Variants in DST observed in about 807,000 individuals in gnomAD.
DST encodes bullous pemphigoid antigen.
Under a neutral mutation model 875.2 loss-of-function variants are expected in DST, and 253 were observed. The ratio of observed to expected loss-of-function variants is 0.29; its 90% confidence interval spans 0.26 to 0.32. The LOEUF is 0.32. Among genes scored for constraint, DST ranks in the 10% least tolerant of loss-of-function variants. The pLI, the probability that DST is intolerant of heterozygous loss-of-function variation, is 1.00. For synonymous variants in DST, 3,124 were observed against 3,197.1 expected, an observed-to-expected ratio of 0.98 and a Z score of 0.77; for missense variants, 8,287 against 9,111.6, an observed-to-expected ratio of 0.91 and a Z score of 3.68.
Position 56,552,845 on chromosome 6 carries a change from T to G in DST, c.15947A>C (p.Gln5316Pro), listed in dbSNP as rs749397411. Residue 5316 changes from glutamine to proline, a missense_variant, in exon 61 of 104, where the codon CAA becomes CCA. Coordinates refer to ENST00000680361, the MANE Select transcript of DST (RefSeq NM_001374736.1). Reference sequence around the variant, plus strand: ...GGCCTGAAGTGATTTCTGCTGAGTTTGCAACATGGTCAGGTATTTGTTACT... The same window carrying G: ...GGCCTGAAGTGATTTCTGCTGAGTTGGCAACATGGTCAGGTATTTGTTACT... ...AYSNKYLTML[Q>P]TQQKSLQALK... 19 of 1,613,480 alleles carry G rather than the reference T, an allele frequency of 1.2e-5. No homozygotes were observed. Among genetic ancestry groups the G allele is most frequent in the Non-Finnish European group, 3.4e-6 (4 of 1,179,912 alleles).
At chr6:56,952,040 T>C (rs559622347) in intron 2 of DST, among the ~76,000 whole-genome samples, 1 of 152,102 alleles carries the variant, frequency 6.6e-6, no homozygotes, top group South Asian at 2.1e-4. Flanking sequence ...CTGAGCCAAA[T>C]AGTGGGGATA....
rs1003057590 is a variant in DST at position 56,477,233 on chromosome 6, G to A, written c.21675+112C>T. The A allele has an allele frequency of 4.3e-6, 5 of 1,170,086 alleles. No homozygotes were observed. The Admixed American group carries it at 8.5e-5, about 20-fold the overall frequency. 72.5% of individuals were successfully genotyped at this position (1,170,086 alleles called of 1,614,324 possible). A position where few individuals can be genotyped will look rare whatever the true frequency, so the allele number is the denominator to read the frequency against. On this transcript the variant is annotated intron_variant, in intron 91 of 103. Transcript: ENST00000680361. Reference sequence around the variant, plus strand: ...GCGTATTTAAAAGAACGTTTTCTATGTAGAGGTCTCATTTTCCCATGGCCA... The same window carrying A: ...GCGTATTTAAAAGAACGTTTTCTATATAGAGGTCTCATTTTCCCATGGCCA...
chr6:56,531,623 GTCAGTGATTCTTCTA>G (rs2096896938), intron 64 of DST, among the ~76,000 whole-genome samples: 1 of 152,082 alleles, frequency 6.6e-6, no homozygotes, highest in Non-Finnish European at 1.5e-5. Flanking sequence ...ACTCACTCAG[GTCAGTGATTCTTCTA>G]TTTTCATCTA....
At position 56,614,407 on chromosome 6, in the gene DST, C is replaced by A. The variant is rs752913542; in HGVS notation, c.5007G>T (p.Lys1669Asn). The change falls in exon 37 of 104, where the codon AAG becomes AAT. Residue 1669 changes from lysine (K) to asparagine (N), a missense_variant. By Grantham distance (94) the Lys-to-Asn change is moderately conservative (BLOSUM62 0). This residue lies in a region of DST where 3,138 missense variants were observed against 3,116.6 expected (regional missense o/e 1.01). Transcript: ENST00000680361. Reference protein sequence around the residue: ...ELQKWVSNISKTLKDAEKAGK... With the variant: ...ELQKWVSNISNTLKDAEKAGK... ...CAGCCTTCTCTGCATCTTTCAATGT[C>A]TTGCTGATATTTGATACCCATTTTT... The A allele has an allele frequency of 1.9e-6, 3 of 1,610,392 alleles. No individual in the cohort carries two copies. Among genetic ancestry groups the A allele is most frequent in the Non-Finnish European group, 1.7e-6 (2 of 1,178,320 alleles).
At chr6:56,585,067 T>C (rs1237609825) in intron 49 of DST, among the ~76,000 whole-genome samples, 6 of 151,192 alleles carry the variant, frequency 4.0e-5, no homozygotes, top group Non-Finnish European at 7.4e-5. Flanking sequence ...TTTTTGGTTG[T>C]GTCTCTGCCC....
In DST at chr6:56,490,778, T is replaced by C. The variant is rs1200399843; in HGVS notation, c.20758-1169A>G. 4.6e-5 allele frequency among the ~76,000 whole-genome samples: 7 copies of C among 152,114 alleles called. 1 individual carries two copies. Among genetic ancestry groups the C allele is most frequent in the Non-Finnish European group, 7.4e-5 (5 of 67,988 alleles). On this transcript the variant is annotated intron_variant, in intron 85 of 103. Transcript: ENST00000680361. Reference sequence around the variant, plus strand: ...AATAATACAGGCTATAACAGTTGGATGGTAAGGTCAATGATACAAACGCAC... The same window carrying C: ...AATAATACAGGCTATAACAGTTGGACGGTAAGGTCAATGATACAAACGCAC...
chr6:56,852,447 C>T (rs368922064), intron 3 of DST, among the ~76,000 whole-genome samples: 5 of 152,206 alleles, frequency 3.3e-5, no homozygotes, highest in African/African-American at 1.2e-4. Context: ...AAACAGGATG[C>T]TTTTGCCAAA....
intron 39 of DST, among the ~76,000 whole-genome samples, chr6:56,609,602 T>C (rs2098527380): frequency 6.6e-6 from 1 of 152,142 alleles, no homozygotes; most frequent in Non-Finnish European, 1.5e-5. Flanking sequence ...TGATATCGTG[T>C]ATATTGACAA....
intron 4 of DST, among the ~76,000 whole-genome samples, chr6:56,781,781 G>A (rs1340954943): frequency 1.3e-5 from 2 of 152,084 alleles, no homozygotes; most frequent in East Asian, 3.8e-4. Flanking sequence ...TGGTGAGAGA[G>A]GGCATCCCTG....
chr6:56,555,606 G>A lies in DST; in HGVS notation c.14875C>T (p.Leu4959Phe). 6.2e-7 allele frequency: 1 copy of A among 1,614,026 alleles called. No individual in the cohort carries two copies. The highest frequency in any genetic ancestry group is 8.5e-7 in the Non-Finnish European group (1 of 1,179,896). Residue 4959 changes from leucine to phenylalanine, a missense_variant, in exon 60 of 104, where the codon CTT becomes TTT. By Grantham distance (22) the Leu-to-Phe change is conservative. This residue lies in a region of DST where 1,513 missense variants were observed against 1,677.8 expected (regional missense o/e 0.90). Transcript: ENST00000680361. ...STQYQSLLRS[L>F]SDKLSDLDNK... ...TCCAAGTCACTCAGTTTATCAGAAA[G>A]GCTTCTCAGCAGGCTTTGATACTGT...
chr6:56,463,853 A>T lies in DST; in HGVS notation c.22760-89T>A. 2.3e-6 allele frequency: 3 copies of T among 1,281,674 alleles called. No homozygotes were observed. The Admixed American group carries it at 5.0e-5, about 21-fold the overall frequency. The allele number at this position is 1,281,674 out of a possible 1,614,324, so 79.4% of individuals were successfully genotyped here. On this transcript the variant is annotated intron_variant, in intron 100 of 103. Transcript: ENST00000680361. Reference sequence around the variant, plus strand: ...TTAATGGGAAGAACGGCCACCTGGCACCAGAGATCACGTTGAGAATTTCAA... The same window carrying T: ...TTAATGGGAAGAACGGCCACCTGGCTCCAGAGATCACGTTGAGAATTTCAA...
intron 5 of DST, among the ~76,000 whole-genome samples, chr6:56,712,208 T>G (rs899060588): frequency 6.6e-6 from 1 of 152,116 alleles, no homozygotes; most frequent in Non-Finnish European, 1.5e-5. Flanking sequence ...TTTTCAAATA[T>G]CCTCCTAGCT....
intron 3 of DST, among the ~76,000 whole-genome samples, chr6:56,886,190 T>A (rs1469600474): frequency 2.0e-5 from 3 of 152,146 alleles, no homozygotes; most frequent in Non-Finnish European, 2.9e-5. Context: ...TCTATATTCT[T>A]CTCCCTGGAA....
At chr6:56,915,450 A>G (rs1282257251) in intron 2 of DST, among the ~76,000 whole-genome samples, 1 of 152,192 alleles carries the variant, frequency 6.6e-6, no homozygotes, top group Non-Finnish European at 1.5e-5. Flanking sequence ...AGGTGTGGTG[A>G]GAAAAGAAAA....
intron 88 of DST, chr6:56,483,547 T>C (rs2152424263): frequency 7.9e-6 from 1 of 127,388 alleles, no homozygotes; most frequent in East Asian, 2.0e-4. Flanking sequence ...TTTTTTTTTT[T>C]TTTTTTTTTT....
At chr6:56,521,991 C>T (rs1424756997) in intron 69 of DST, among the ~76,000 whole-genome samples, 2 of 152,038 alleles carry the variant, frequency 1.3e-5, no homozygotes, top group Non-Finnish European at 2.9e-5. Flanking sequence ...TGGGGAAATA[C>T]TTTAATAGCA....
rs1474049771 is a variant in DST, at chr6:56,458,205, T to C, written c.*800A>G. The C allele has an allele frequency of 6.6e-6, 1 of 152,646 alleles. No individual in the cohort carries two copies. The highest frequency in any genetic ancestry group is 1.5e-5 in the Non-Finnish European group (1 of 68,048). The allele number at this position is 152,646 out of a possible 1,614,324, so 9.5% of individuals were successfully genotyped here. ...TTGCTCATAAAAAAATACACTAGTT[T>C]TCCCTGGGGAAAAAAAATTAATTCC... On this transcript the variant is annotated 3_prime_UTR_variant, in exon 104 of 104. Transcript: ENST00000680361.
intron 64 of DST, among the ~76,000 whole-genome samples, chr6:56,531,097 A>G (rs899706125): frequency 3.9e-5 from 6 of 152,208 alleles, no homozygotes; most frequent in Non-Finnish European, 8.8e-5. Context: ...ATTTGATCCT[A>G]AAAATGAATA....
At chr6:56,636,373 TACAC>T (rs1225152168) in intron 23 of DST, among the ~76,000 whole-genome samples, 180 bp downstream of exon 23, 19 of 151,096 alleles carry the variant, frequency 1.3e-4, no homozygotes, top group Non-Finnish European at 1.5e-5. Flanking sequence ...TGTATATATA[TACAC>T]ACATATATGT....
Sources: allele counts gnomAD v4.1 joint callset (sites outside exome capture counted in the v4.1 genomes callset), GRCh38; gene constraint gnomAD v4.1.1; regional missense constraint gnomAD v4.1.1; transcripts MANE v1.5; gene names NCBI Gene and HGNC (gene_info 2026-07-23, HGNC 2026-07-21).